The following LARS2 variants were observed in gnomAD, a reference collection of about 807,000 sequenced individuals.
LARS2 encodes the protein leucine--tRNA ligase, mitochondrial.
Under a neutral mutation model 116.6 loss-of-function variants are expected in LARS2, and 81 were observed. That is an observed-to-expected ratio of 0.69 (90% CI 0.58 to 0.84). The LOEUF is 0.84. Among genes scored for constraint, LARS2 ranks in the 40% least tolerant of loss-of-function variants. The pLI is 0.00. For synonymous variants in LARS2, 396 were observed against 407.2 expected, an observed-to-expected ratio of 0.97 and a Z score of 0.33; for missense variants, 968 against 1,114.5, an observed-to-expected ratio of 0.87 and a Z score of 1.87.
At chr3:45,424,172 A>G (rs1348742963) in intron 6 of LARS2, among the ~76,000 whole-genome samples, 2 of 152,206 alleles carry the variant, frequency 1.3e-5, no homozygotes, top group African/African-American at 2.4e-5. Context: ...GTATAGTAGT[A>G]TAGGTTCTCC....
chr3:45,417,995 A>G (rs1460984507), intron 5 of LARS2, among the ~76,000 whole-genome samples: 1 of 152,180 alleles, frequency 6.6e-6, no homozygotes, highest in African/African-American at 2.4e-5. Context: ...CACCATTCAG[A>G]AGCAAGAGGA....
chr3:45,404,078 G>A (rs754740002), intron 4 of LARS2, among the ~76,000 whole-genome samples: 15 of 152,156 alleles, frequency 9.9e-5, no homozygotes, highest in Non-Finnish European at 1.8e-4. Context: ...TTTAATAAAT[G>A]AATCTTGTAA....
intron 5 of LARS2, 107 bp downstream of exon 5, chr3:45,417,680 G>A (rs978885077): frequency 1.9e-5 from 13 of 673,552 alleles, no homozygotes; most frequent in East Asian, 5.4e-5. Context: ...ACACTGCAGC[G>A]TACCAAGAGA....
intron 6 of LARS2, among the ~76,000 whole-genome samples, chr3:45,434,120 G>A (rs931969939): frequency 6.6e-6 from 1 of 152,158 alleles, no homozygotes; most frequent in Non-Finnish European, 1.5e-5. Flanking sequence ...GTATGTTTCT[G>A]TTGTTGCCAA....
intron 4 of LARS2, among the ~76,000 whole-genome samples, chr3:45,401,522 A>G (rs1239730065): frequency 6.6e-6 from 1 of 152,016 alleles, no homozygotes; most frequent in African/African-American, 2.4e-5. Context: ...AGAATCTGAT[A>G]TGGGCCTTGA....
intron 6 of LARS2, among the ~76,000 whole-genome samples, chr3:45,442,647 G>A (rs977046526): frequency 5.3e-5 from 8 of 152,086 alleles, no homozygotes; most frequent in African/African-American, 1.7e-4. Context: ...GTTGGTCTCC[G>A]AGTTGGTAGA....
In LARS2 at chr3:45,549,243, C is replaced by T. The variant is rs1428949059; in HGVS notation, c.*1713C>T. 6.6e-6 allele frequency: 1 copy of T among 152,242 alleles called. No individual in the cohort carries two copies. The highest frequency in any genetic ancestry group is 1.5e-5 in the Non-Finnish European group (1 of 68,054). 9.4% of individuals were successfully genotyped at this position (152,242 alleles called of 1,614,324 possible). On this transcript the variant is annotated 3_prime_UTR_variant, in exon 22 of 22. Coordinates refer to ENST00000645846, the MANE Select transcript of LARS2 (RefSeq NM_015340.4). Reference sequence around the variant, plus strand: ...CCATCATTTCTATCTAGTTCTTCCTCTTCCTAATCTTCAGGTTAGCGGGGA... The same window carrying T: ...CCATCATTTCTATCTAGTTCTTCCTTTTCCTAATCTTCAGGTTAGCGGGGA...
intron 15 of LARS2, among the ~76,000 whole-genome samples, chr3:45,512,023 C>T (rs1422311525): frequency 6.6e-6 from 1 of 152,142 alleles, no homozygotes; most frequent in Admixed American, 6.5e-5. Context: ...AATCCACCTG[C>T]CTCGGCCTCC....
At chr3:45,511,285 C>T (rs188274629) in intron 15 of LARS2, among the ~76,000 whole-genome samples, 50 of 152,306 alleles carry the variant, frequency 3.3e-4, no homozygotes, top group African/African-American at 1.2e-3. Context: ...TGAGGACCTG[C>T]CTGCCAGTTC....
At chr3:45,392,700 A>C (rs1469449314) in intron 2 of LARS2, among the ~76,000 whole-genome samples, 1 of 152,132 alleles carries the variant, frequency 6.6e-6, no homozygotes, top group Non-Finnish European at 1.5e-5. Context: ...TGGCAGACCA[A>C]CTTGTAAGAT....
chr3:45,499,374 G>A (rs538428756), intron 14 of LARS2, among the ~76,000 whole-genome samples: 9 of 152,244 alleles, frequency 5.9e-5, no homozygotes, highest in South Asian at 2.1e-4. Flanking sequence ...CCCTGGAGGC[G>A]GAGGTTGCAG....
At chr3:45,525,961 A>G (rs974931111) in intron 20 of LARS2, among the ~76,000 whole-genome samples, 1 of 152,182 alleles carries the variant, frequency 6.6e-6, no homozygotes, top group African/African-American at 2.4e-5. Flanking sequence ...TTAAGTGACA[A>G]TGAGGTAGTG....
chr3:45,410,435 C>G (rs1020373435), intron 4 of LARS2, among the ~76,000 whole-genome samples: 1 of 151,944 alleles, frequency 6.6e-6, no homozygotes, highest in Admixed American at 6.6e-5. Context: ...AAATTGTAGC[C>G]TAAACAGTGT....
At chr3:45,468,501 G>A (rs1005694804) in intron 8 of LARS2, among the ~76,000 whole-genome samples, 30 of 152,152 alleles carry the variant, frequency 2.0e-4, no homozygotes, top group African/African-American at 7.2e-4. Context: ...GTAGACCCAG[G>A]GGCAGGGAGG....
At chr3:45,419,870 A>C in intron 6 of LARS2, 141 bp downstream of exon 6, 1 of 654,234 alleles carries the variant, frequency 1.5e-6, no homozygotes, top group East Asian at 2.7e-5. Context: ...CTCTTCAAAA[A>C]GTATCCTGAG....
intron 15 of LARS2, among the ~76,000 whole-genome samples, chr3:45,511,754 G>A (rs1700294086): frequency 1.3e-5 from 2 of 149,534 alleles, no homozygotes; most frequent in African/African-American, 4.9e-5. Flanking sequence ...GCCCCTTCTT[G>A]AGGCTTAATG....
intron 6 of LARS2, among the ~76,000 whole-genome samples, chr3:45,430,441 G>C (rs556894030): frequency 7.1e-6 from 1 of 141,190 alleles, no homozygotes; most frequent in East Asian, 2.2e-4. Flanking sequence ...ACCATGCCCC[G>C]CTAAATTTTT....
intron 20 of LARS2, among the ~76,000 whole-genome samples, chr3:45,541,278 G>A (rs972169118): frequency 7.2e-5 from 11 of 152,124 alleles, no homozygotes; most frequent in African/African-American, 2.7e-4. Flanking sequence ...GCCAAGGAAA[G>A]CTCCTTCCAT....
intron 20 of LARS2, among the ~76,000 whole-genome samples, chr3:45,525,261 C>T (rs1416271847): frequency 1.3e-5 from 2 of 152,180 alleles, no homozygotes; most frequent in South Asian, 2.1e-4. Flanking sequence ...TGTTTTATTT[C>T]GCTTTCATTG....
Sources: gnomAD v4.1 joint callset for allele counts (sites outside exome capture counted in the v4.1 genomes callset) on GRCh38, gnomAD v4.1.1 for gene constraint, MANE v1.5 for transcripts, NCBI Gene and HGNC (gene_info 2026-07-23, HGNC 2026-07-21) for gene names.